Variants in FSTL4 observed in about 807,000 individuals in gnomAD.
The protein encoded by FSTL4 is follistatin like 4.
A neutral mutation model predicts 78.2 loss-of-function variants in FSTL4; 28 were observed. The observed-to-expected ratio is 0.36, with a 90% CI of 0.27 to 0.49. The LOEUF is 0.49. Ranked by LOEUF, FSTL4 falls within the 20% of genes least tolerant of loss-of-function variation. The pLI is 0.98. For missense variants in FSTL4, 922 were observed against 1,084.9 expected, an observed-to-expected ratio of 0.85 and a Z score of 2.11; for synonymous variants, 422 against 440.5, an observed-to-expected ratio of 0.96 and a Z score of 0.53.
Position 133,199,831 on chromosome 5 carries a change from T to A in FSTL4, c.1827-34A>T, listed in dbSNP as rs1247540510. ...GGAAGAACTGAGGTCAGAAGTTGCC[T>A]CCAGGGGTGGGGAATCTGTCATTTG... is the stretch of plus-strand genomic sequence containing the variant. On this transcript the variant is annotated intron_variant, in intron 15 of 15. Coordinates refer to ENST00000265342, the MANE Select transcript of FSTL4 (RefSeq NM_015082.2). This position sits in a 1 kb window ranked among gnomAD's most constrained non-coding sequence, Gnocchi z 4.4. 1 of 1,223,152 alleles carries A rather than the reference T, an allele frequency of 8.2e-7. No homozygotes were observed. Among genetic ancestry groups the A allele is most frequent in the Non-Finnish European group, 1.2e-6 (1 of 864,332 alleles). 75.8% of individuals were successfully genotyped at this position (1,223,152 alleles called of 1,614,324 possible). A position where few individuals can be genotyped will look rare whatever the true frequency, so the allele number is the denominator to read the frequency against.
At chr5:133,408,036 G>A (rs568312837) in intron 3 of FSTL4, among the ~76,000 whole-genome samples, 4 of 152,204 alleles carry the variant, frequency 2.6e-5, no homozygotes, top group South Asian at 4.2e-4. Flanking sequence ...ACAAACTTTC[G>A]GGTTCTCTTT....
intron 2 of FSTL4, among the ~76,000 whole-genome samples, chr5:133,576,564 G>A (rs960396640): frequency 2.2e-4 from 34 of 152,178 alleles, no homozygotes; most frequent in African/African-American, 8.0e-4. Flanking sequence ...AAGCAGAAAG[G>A]AGTCCGCTGT....
the FSTL4 span, among the ~76,000 whole-genome samples, chr5:133,833,399 A>C: frequency 2.0e-5 from 3 of 152,238 alleles, no homozygotes; most frequent in Non-Finnish European, 4.4e-5. Context: ...TGTTATTAAA[A>C]TCATAAATTA....
At chr5:133,650,013 G>A in the FSTL4 span, among the ~76,000 whole-genome samples, 1 of 152,110 alleles carries the variant, frequency 6.6e-6, no homozygotes, top group Non-Finnish European at 1.5e-5. Flanking sequence ...TCTGGTGAGG[G>A]CCTCAGGTTC....
At chr5:133,273,434 A>G (rs1308674289) in intron 6 of FSTL4, among the ~76,000 whole-genome samples, 1 of 152,176 alleles carries the variant, frequency 6.6e-6, no homozygotes, top group East Asian at 1.9e-4. Context: ...TTAGCTCTAG[A>G]GTCCTCCAGC....
chr5:133,270,678 G>A (rs1165889082), intron 6 of FSTL4, among the ~76,000 whole-genome samples: 4 of 152,190 alleles, frequency 2.6e-5, no homozygotes, highest in South Asian at 2.1e-4. Flanking sequence ...AAGAAAGTGA[G>A]GAATGAGATC....
chr5:133,309,650 G>A lies in FSTL4; in HGVS notation c.727+3004C>T, dbSNP rs73788051. 3.5e-3 allele frequency among the ~76,000 whole-genome samples: 533 copies of A among 152,330 alleles called. 3 individuals are homozygous for A. The highest frequency in any genetic ancestry group is 0.012 in the African/African-American group (517 of 41,568). ...TGGCCCAGCCAGGGCCAGGCCAGCT[G>A]CATGGGAAGACATGATTCAGGAGAC... On this transcript the variant is annotated intron_variant, in intron 6 of 15. Coordinates refer to ENST00000265342, the MANE Select transcript of FSTL4 (RefSeq NM_015082.2).
chr5:133,555,159 A>G (rs1182107602), intron 3 of FSTL4, among the ~76,000 whole-genome samples: 1 of 152,240 alleles, frequency 6.6e-6, no homozygotes, highest in Non-Finnish European at 1.5e-5. Flanking sequence ...ATTAACTTTT[A>G]CCATTTCCTC....
chr5:133,385,380 G>A (rs1208355187), intron 4 of FSTL4, among the ~76,000 whole-genome samples: 5 of 152,238 alleles, frequency 3.3e-5, no homozygotes, highest in Admixed American at 3.3e-4. Flanking sequence ...CAGGCAGGAT[G>A]AGGTTTAGAG....
At chr5:133,813,283 G>A in the FSTL4 span, among the ~76,000 whole-genome samples, 150,841 of 152,390 alleles carry the variant, frequency 0.99, 74,671 homozygotes, top group Middle Eastern at 1. Flanking sequence ...TAACATATCT[G>A]AAATATTGCA....
the FSTL4 span, among the ~76,000 whole-genome samples, chr5:133,817,465 A>G: frequency 0.023 from 3,454 of 152,294 alleles, 57 homozygotes; most frequent in Non-Finnish European, 0.035. Flanking sequence ...AAGATTAGGT[A>G]ATGCAGGAAG....
intron 2 of FSTL4, among the ~76,000 whole-genome samples, chr5:133,601,904 G>C (rs1760877934): frequency 6.6e-6 from 1 of 151,584 alleles, no homozygotes; most frequent in African/African-American, 2.4e-5. Context: ...GGCTGGTCTT[G>C]AACTCCTGGG....
intron 4 of FSTL4, among the ~76,000 whole-genome samples, chr5:133,331,942 C>A (rs1453910085): frequency 6.6e-6 from 1 of 152,158 alleles, no homozygotes; most frequent in African/African-American, 2.4e-5. Flanking sequence ...GCTGCAGAAA[C>A]CCTCATTTCT....
the FSTL4 span, among the ~76,000 whole-genome samples, chr5:133,657,925 T>G: frequency 1.3e-5 from 2 of 152,196 alleles, no homozygotes; most frequent in South Asian, 4.1e-4. Flanking sequence ...TAGATTTTAG[T>G]AAATAGCCTT....
chr5:133,822,137 C>A, the FSTL4 span, among the ~76,000 whole-genome samples: 1 of 152,174 alleles, frequency 6.6e-6, no homozygotes, highest in East Asian at 1.9e-4. Flanking sequence ...ACACTCCTCG[C>A]CCCCTGGACC....
chr5:133,316,931 C>G (rs1408664452), intron 4 of FSTL4, among the ~76,000 whole-genome samples: 1 of 152,174 alleles, frequency 6.6e-6, no homozygotes, highest in South Asian at 2.1e-4. Flanking sequence ...ACAAGCCAGA[C>G]TAGAGTGACT....
At chr5:133,457,252 T>C (rs1014792943) in intron 3 of FSTL4, among the ~76,000 whole-genome samples, 3 of 152,238 alleles carry the variant, frequency 2.0e-5, no homozygotes, top group Non-Finnish European at 4.4e-5. Flanking sequence ...TTGTGCAAGA[T>C]GCCACATGCC....
At chr5:133,662,328 G>T in the FSTL4 span, among the ~76,000 whole-genome samples, 895 of 152,164 alleles carry the variant, frequency 5.9e-3, 5 homozygotes, top group Non-Finnish European at 8.4e-3. Context: ...CAGTTGAAAT[G>T]CTCTGCAGTG....
the FSTL4 span, among the ~76,000 whole-genome samples, chr5:133,828,800 G>A: frequency 6.6e-6 from 1 of 152,212 alleles, no homozygotes; most frequent in Non-Finnish European, 1.5e-5. Flanking sequence ...GGACATGCAT[G>A]CAGGCTTCTA....
Sources: allele counts gnomAD v4.1 joint callset (sites outside exome capture counted in the v4.1 genomes callset), GRCh38; gene constraint gnomAD v4.1.1; non-coding constraint Gnocchi (gnomAD v3.1); transcripts MANE v1.5; gene names NCBI Gene and HGNC (gene_info 2026-07-23, HGNC 2026-07-21).